Variants in PELI2 observed in about 807,000 individuals in gnomAD.
PELI2 encodes pellino E3 ubiquitin protein ligase family member 2, also known as E3 ubiquitin-protein ligase pellino homolog 2.
Under a neutral mutation model 42.3 loss-of-function variants are expected in PELI2, and 23 were observed. The observed-to-expected ratio is 0.54, with a 90% confidence interval of 0.39 to 0.77. PELI2 has a LOEUF of 0.77. Among genes scored for constraint, PELI2 ranks in the 30% least tolerant of loss-of-function variants. PELI2 has a pLI of 0.00. For synonymous variants in PELI2, 245 were observed against 212.2 expected, an observed-to-expected ratio of 1.15 and a Z score of -1.34; for missense variants, 463 against 553.2, an observed-to-expected ratio of 0.84 and a Z score of 1.64.
intron 1 of PELI2, among the ~76,000 whole-genome samples, chr14:56,176,934 TAAAAC>T (rs992003113): frequency 1.3e-5 from 2 of 152,208 alleles, no homozygotes; most frequent in African/African-American, 2.4e-5. Context: ...GGAAATATAT[TAAAAC>T]AAAACGGGTT....
At chr14:56,252,300 G>C (rs1331054473) in intron 2 of PELI2, among the ~76,000 whole-genome samples, 1 of 152,196 alleles carries the variant, frequency 6.6e-6, no homozygotes, top group Non-Finnish European at 1.5e-5. Context: ...CCAAAGCAGA[G>C]GTGTTCCTAT....
chr14:56,246,184 A>G (rs1188870359), intron 2 of PELI2, among the ~76,000 whole-genome samples: 3 of 152,252 alleles, frequency 2.0e-5, no homozygotes, highest in Admixed American at 2.0e-4. Context: ...TCATGGGGCA[A>G]ACAGAGGTTG....
At chr14:56,291,065 C>T (rs1476789572) in intron 5 of PELI2, among the ~76,000 whole-genome samples, 2 of 152,138 alleles carry the variant, frequency 1.3e-5, no homozygotes, top group Non-Finnish European at 2.9e-5. Context: ...TAAACCCATT[C>T]TTTCTTGGAG....
At chr14:56,151,396 G>C (rs528843108) in intron 1 of PELI2, among the ~76,000 whole-genome samples, 1 of 152,332 alleles carries the variant, frequency 6.6e-6, no homozygotes, top group African/African-American at 2.4e-5. Flanking sequence ...CAACTGTGAT[G>C]CTTCCTTGCT....
intron 2 of PELI2, among the ~76,000 whole-genome samples, chr14:56,266,394 G>A (rs1309432118): frequency 1.3e-5 from 2 of 151,972 alleles, no homozygotes; most frequent in African/African-American, 2.4e-5. Context: ...TATAAAGAGT[G>A]CCTGTGTCAA....
chr14:56,173,478 C>T (rs2139659416), intron 1 of PELI2, among the ~76,000 whole-genome samples: 1 of 152,242 alleles, frequency 6.6e-6, no homozygotes, highest in South Asian at 2.1e-4. Context: ...CAGTTCATCT[C>T]CACCATCGCT....
At chr14:56,164,557 A>C (rs1177949969) in intron 1 of PELI2, among the ~76,000 whole-genome samples, 1 of 152,100 alleles carries the variant, frequency 6.6e-6, no homozygotes, top group Non-Finnish European at 1.5e-5. Flanking sequence ...GGCCTCATAG[A>C]ATAAGTTTGG....
At position 56,288,707 on chromosome 14, in the gene PELI2, C is replaced by CAA. The variant is rs34574403; in HGVS notation, c.507+81_507+82dup. ...TATGATATGGAACATTTAATTGGAG[C>CAA]AAAAAAAAATTGGCTTTGTATGTTG... On this transcript the variant is annotated intron_variant, in intron 4 of 5. Coordinates refer to ENST00000267460, the MANE Select transcript of PELI2 (RefSeq NM_021255.3). This position sits in a 1 kb window ranked among gnomAD's most constrained non-coding sequence, Gnocchi z 4.6. The CAA allele has an allele frequency of 8.1e-3, 7,174 of 881,830 alleles. No homozygotes were observed. The highest frequency in any genetic ancestry group is 9.8e-3 in the Non-Finnish European group (5,754 of 589,290). The allele number at this position is 881,830 out of a possible 1,614,324, so 54.6% of individuals were successfully genotyped here.
intron 5 of PELI2, among the ~76,000 whole-genome samples, chr14:56,296,333 CCA>C (rs1441593604): frequency 1.3e-5 from 2 of 152,134 alleles, no homozygotes; most frequent in Non-Finnish European, 2.9e-5. Flanking sequence ...ATTAAAATAA[CCA>C]CTACAGTAAT....
At chr14:56,234,894 G>T (rs941098541) in intron 2 of PELI2, among the ~76,000 whole-genome samples, 1 of 152,150 alleles carries the variant, frequency 6.6e-6, no homozygotes, top group South Asian at 2.1e-4. Context: ...TGGAGGGCTG[G>T]TTGTGGGTGC....
chr14:56,235,438 G>C (rs1184397099), intron 2 of PELI2, among the ~76,000 whole-genome samples: 1 of 152,236 alleles, frequency 6.6e-6, no homozygotes, highest in African/African-American at 2.4e-5. Context: ...GTGAACTCCA[G>C]TTGACATCTT....
At chr14:56,285,347 G>A (rs980536305) in intron 3 of PELI2, among the ~76,000 whole-genome samples, 1 of 152,188 alleles carries the variant, frequency 6.6e-6, no homozygotes, top group Non-Finnish European at 1.5e-5. Flanking sequence ...CAAATTGGAT[G>A]TCAGTCAGTC....
intron 2 of PELI2, among the ~76,000 whole-genome samples, chr14:56,217,343 T>C (rs1028869492): frequency 9.9e-5 from 15 of 152,214 alleles, no homozygotes; most frequent in Non-Finnish European, 1.5e-4. Context: ...GGAATGGGCA[T>C]ATAACCAGAA....
intron 2 of PELI2, among the ~76,000 whole-genome samples, chr14:56,179,336 A>T (rs1009724630): frequency 2.6e-5 from 4 of 152,130 alleles, no homozygotes; most frequent in Non-Finnish European, 5.9e-5. Flanking sequence ...CTGAAAACCC[A>T]CTTTTGGAAG....
intron 2 of PELI2, among the ~76,000 whole-genome samples, chr14:56,233,177 C>G (rs952290486): frequency 6.6e-6 from 1 of 152,148 alleles, no homozygotes; most frequent in African/African-American, 2.4e-5. Flanking sequence ...GGCCATACTG[C>G]CCAAGGTAAT....
At chr14:56,264,036 T>G (rs1355986908) in intron 2 of PELI2, among the ~76,000 whole-genome samples, 2 of 152,208 alleles carry the variant, frequency 1.3e-5, no homozygotes, top group Non-Finnish European at 2.9e-5. Flanking sequence ...TAAAATTTAC[T>G]TGTAACTCCC....
At chr14:56,233,834 GA>G (rs1190466964) in intron 2 of PELI2, among the ~76,000 whole-genome samples, 1 of 152,168 alleles carries the variant, frequency 6.6e-6, no homozygotes, top group Non-Finnish European at 1.5e-5. Flanking sequence ...CAGAATGGGA[GA>G]AAATTTTTGC....
rs12436138 is a variant in PELI2, at chr14:56,286,749, G to T, written c.310-1688G>T. ...GTTTTGTTTTTTTGTTGTTTTTTTT[G>T]TTGTTGTTGTTGTTTTGTTTTCCTG... is the stretch of plus-strand genomic sequence containing the variant. On this transcript the variant is annotated intron_variant, in intron 3 of 5. Transcript: ENST00000267460. Among the ~76,000 whole-genome samples the T allele has an allele frequency of 4.7e-3, 712 of 151,384 alleles. 14 individuals carry two copies. The highest frequency in any genetic ancestry group is 0.031 in the Admixed American group (466 of 15,208).
chr14:56,148,565 C>T lies in PELI2; in HGVS notation c.78-29770C>T, dbSNP rs147686997. Among the ~76,000 whole-genome samples the T allele has an allele frequency of 4.9e-4, 75 of 152,296 alleles. No individual in the cohort carries two copies. In the East Asian group the frequency reaches 0.013, roughly 27 times the overall value. On this transcript the variant is annotated intron_variant, in intron 1 of 5. Transcript: ENST00000267460. ...TGGCTGTCTGGGACACCCTGTCCTC[C>T]CCAGCCCTTGTCTGCTCCGAACATA...
Sources: allele counts gnomAD v4.1 joint callset (sites outside exome capture counted in the v4.1 genomes callset), GRCh38; gene constraint gnomAD v4.1.1; non-coding constraint Gnocchi (gnomAD v3.1); transcripts MANE v1.5; gene names NCBI Gene and HGNC (gene_info 2026-07-23, HGNC 2026-07-21).